The following C1orf167 variants were observed in gnomAD, a reference collection of about 807,000 sequenced individuals.
C1orf167 encodes chromosome 1 open reading frame 167.
A neutral mutation model predicts 176.5 loss-of-function variants in C1orf167; 153 were observed. That is an observed-to-expected ratio of 0.87 (90% CI 0.76 to 0.99). The LOEUF (loss-of-function observed/expected upper bound fraction) is 0.99, where lower values mean the gene tolerates loss of function less well. Ranked by LOEUF, C1orf167 falls within the 50% of genes least tolerant of loss-of-function variation. C1orf167 has a pLI of 0.00. For synonymous variants in C1orf167, 594 were observed against 752.7 expected, an observed-to-expected ratio of 0.79 and a Z score of 3.45; for missense variants, 1,490 against 1,817.7, an observed-to-expected ratio of 0.82 and a Z score of 3.28.
Position 11,768,330 on chromosome 1 carries a change from G to A in C1orf167, c.1542+55G>A, listed in dbSNP as rs1642902299. On this transcript the variant is annotated intron_variant, in intron 5 of 20. Coordinates refer to ENST00000688073, the MANE Select transcript of C1orf167 (RefSeq NM_001010881.2). This position sits in a 1 kb window ranked among gnomAD's most constrained non-coding sequence, Gnocchi z 4.5. ...CCGTGTGAAGCAGTGGTGTGTCTGG[G>A]GAGGAGACTCAGTCTACGGAGAGGA... 1 of 1,269,356 alleles carries A rather than the reference G, an allele frequency of 7.9e-7. No homozygotes were observed. Among genetic ancestry groups the A allele is most frequent in the Non-Finnish European group, 1.0e-6 (1 of 972,658 alleles). The allele number at this position is 1,269,356 out of a possible 1,614,324, so 78.6% of individuals were successfully genotyped here.
chr1:11,771,049 G>GTGTGTGTGTGTGTA (rs1491322371), intron 6 of C1orf167, among the ~76,000 whole-genome samples: 5 of 34,888 alleles, frequency 1.4e-4, no homozygotes, highest in African/African-American at 2.0e-4. Flanking sequence ...GTGTGTGTGT[G>GTGTGTGTGTGTGTA]TATATATATA....
chr1:11,763,464 T>G (rs944156844), intron 1 of C1orf167, among the ~76,000 whole-genome samples: 4 of 151,888 alleles, frequency 2.6e-5, no homozygotes, highest in Non-Finnish European at 4.4e-5. Flanking sequence ...AAAAAAGGTT[T>G]TGCAGCCTAA....
intron 13 of C1orf167, among the ~76,000 whole-genome samples, chr1:11,781,593 CTA>C (rs1643606757): frequency 6.6e-6 from 1 of 152,168 alleles, no homozygotes; most frequent in Non-Finnish European, 1.5e-5. Context: ...TCCAGAACTT[CTA>C]GTTTTTACAG....
rs1454105228 is a variant in C1orf167, at chr1:11,788,026, A to AG, written c.3829dup (p.Ala1277GlyfsTer3). On this transcript the variant is annotated frameshift_variant, in exon 18 of 21. Transcript: ENST00000688073. LOFTEE classifies it high-confidence loss of function. ...CCCAGAGCCTGCAAAGCCCAAAGCA[A>AG]GGCCCATAAACGGAGGCTACGGTAA... The AG allele has an allele frequency of 3.1e-6, 4 of 1,300,576 alleles. No individual in the cohort carries two copies. In the African/African-American group the frequency reaches 4.6e-5, roughly 15 times the overall value. The allele number at this position is 1,300,576 out of a possible 1,614,324, so 80.6% of individuals were successfully genotyped here. A position where few individuals can be genotyped will look rare whatever the true frequency, so the allele number is the denominator to read the frequency against.
chr1:11,764,193 A>T (rs1642674730), intron 1 of C1orf167, 138 bp from the exon 2 acceptor site: 1 of 360,622 alleles, frequency 2.8e-6, no homozygotes, highest in Non-Finnish European at 5.5e-6. Context: ...CCACTGAGAG[A>T]CCAGAACAGT....
Position 11,785,157 on chromosome 1 carries a change from G to A in C1orf167, c.3435G>A (p.Glu1145=). 2 of 1,291,126 alleles carry A rather than the reference G, an allele frequency of 1.5e-6. No homozygotes were observed. Among genetic ancestry groups the A allele is most frequent in the South Asian group, 2.5e-5 (2 of 80,966 alleles). The allele number at this position is 1,291,126 out of a possible 1,614,324, so 80.0% of individuals were successfully genotyped here. ...ASWKPRAWVL[E]ASVQSAVRGG... is the part of the protein sequence containing the mutation. The stretch of plus-strand genomic sequence containing the variant: ...CCTTCCTCTCCCGCAGGGTCCTAGA[G>A]GCCTCGGTGCAGTCGGCGGTGCGCG... The change falls in exon 16 of 21, where the codon GAG becomes GAA. Residue 1145 remains glutamate (E), a synonymous_variant. Coordinates refer to ENST00000688073, the MANE Select transcript of C1orf167 (RefSeq NM_001010881.2).
chr1:11,776,318 T>A (rs1032821795), intron 9 of C1orf167, 146 bp from the exon 10 acceptor site: 3 of 642,016 alleles, frequency 4.7e-6, no homozygotes, highest in Non-Finnish European at 6.6e-6. Flanking sequence ...ATCTTTGAGG[T>A]GACCTGGAGG....
chr1:11,767,998 CAG>C (rs2100260001), intron 4 of C1orf167, 77 bp from the exon 5 acceptor site: 1 of 1,118,878 alleles, frequency 8.9e-7, no homozygotes, highest in African/African-American at 1.6e-5. Flanking sequence ...AAAGGCATCT[CAG>C]AGGGTATCCA....
chr1:11,767,363 T>C, intron 4 of C1orf167, 99 bp downstream of exon 4: 1 of 1,059,864 alleles, frequency 9.4e-7, no homozygotes, highest in South Asian at 1.3e-5. Context: ...GAGGGCCTGA[T>C]GGAGAGGAGG....
Position 11,765,839 on chromosome 1 carries a change from T to G in C1orf167, c.71-18T>G, listed in dbSNP as rs1642764217. 1.1e-5 allele frequency: 13 copies of G among 1,185,818 alleles called. No individual in the cohort carries two copies. The highest frequency in any genetic ancestry group is 1.4e-5 in the Non-Finnish European group (13 of 938,192). The allele number at this position is 1,185,818 out of a possible 1,614,324, so 73.5% of individuals were successfully genotyped here. On this transcript the variant is annotated intron_variant, in intron 2 of 20. Transcript: ENST00000688073. ...GAGTGCCAGCCACCCAAGTCATGAC[T>G]GTCTCTCCTCTCTTTAGAGCAACGA...
In C1orf167 at chr1:11,787,373, T is replaced by C. The variant is rs757399730; in HGVS notation, c.3568-15T>C. 4.7e-6 allele frequency: 6 copies of C among 1,275,580 alleles called. No individual in the cohort carries two copies. The highest frequency in any genetic ancestry group is 6.2e-6 in the Non-Finnish European group (6 of 974,022). 79.0% of individuals were successfully genotyped at this position (1,275,580 alleles called of 1,614,324 possible). The stretch of plus-strand genomic sequence containing the variant: ...CCCATGGGGTTCAGGTGCTCCTCTC[T>C]GGCTATTCCTTCAGACCCGCAGCTG... On this transcript the variant is annotated splice_polypyrimidine_tract_variant and intron_variant, in intron 16 of 20. Transcript: ENST00000688073.
In C1orf167 at chr1:11,787,948, G is replaced by T. The variant is rs750623408; in HGVS notation, c.3749G>T (p.Gly1250Val). Reference protein sequence around the residue: ...QWPGQSSWVPGLPLWTRDQGP... With the variant: ...QWPGQSSWVPVLPLWTRDQGP... ...CCTGGACAGAGTAGCTGGGTCCCAG[G>T]CCTGCCCCTGTGGACGAGGGACCAG... The change falls in exon 18 of 21, where the codon GGC (glycine) becomes GTC (valine). Residue 1250 changes from glycine (G) to valine (V), a missense_variant. Gly to Val is a moderately radical substitution (Grantham distance 109). Transcript: ENST00000688073. The T allele has an allele frequency of 3.1e-6, 4 of 1,304,032 alleles. No homozygotes were observed. The highest frequency in any genetic ancestry group is 2.5e-5 in the South Asian group (2 of 80,974). The allele number at this position is 1,304,032 out of a possible 1,614,324, so 80.8% of individuals were successfully genotyped here.
At position 11,766,958 on chromosome 1, in the gene C1orf167, A is replaced by G; in HGVS notation, c.1172A>G (p.Asn391Ser). Residue 391 changes from asparagine to serine, a missense_variant, in exon 3 of 21, where the codon AAC (asparagine) becomes AGC (serine). Physicochemically the swap from Asn to Ser is conservative, Grantham distance 46. Transcript: ENST00000688073. This position sits in a 1 kb window ranked among gnomAD's most constrained non-coding sequence, Gnocchi z 4.5. Reference protein sequence around the residue: ...GTDPCSSAFSNTAWGVSPKQK... With the variant: ...GTDPCSSAFSSTAWGVSPKQK... Reference sequence around the variant, plus strand: ...GACCCCTGTTCCTCAGCCTTCTCCAACACAGCCTGGGGAGTCTCACCCAAG... The same window carrying G: ...GACCCCTGTTCCTCAGCCTTCTCCAGCACAGCCTGGGGAGTCTCACCCAAG... 1 of 1,207,700 alleles carries G rather than the reference A, an allele frequency of 8.3e-7. No homozygotes were observed. Among genetic ancestry groups the G allele is most frequent in the South Asian group, 1.5e-5 (1 of 67,118 alleles). 74.8% of individuals were successfully genotyped at this position (1,207,700 alleles called of 1,614,324 possible). A position where few individuals can be genotyped will look rare whatever the true frequency, so the allele number is the denominator to read the frequency against.
chr1:11,781,043 C>T (rs1314050327), intron 13 of C1orf167, among the ~76,000 whole-genome samples: 1 of 121,718 alleles, frequency 8.2e-6, no homozygotes, highest in Non-Finnish European at 1.6e-5. Flanking sequence ...GCTGTGTTGC[C>T]CAGGCATGCA....
chr1:11,764,463 G>A lies in C1orf167; in HGVS notation c.63G>A (p.Pro21=), dbSNP rs539599913. 1.3e-4 allele frequency: 171 copies of A among 1,289,396 alleles called. No homozygotes were observed. In the Middle Eastern group the frequency reaches 6.8e-3, roughly 51 times the overall value. 79.9% of individuals were successfully genotyped at this position (1,289,396 alleles called of 1,614,324 possible). The change falls in exon 2 of 21, where the codon CCG becomes CCA. Residue 21 remains proline (P), a synonymous_variant. Transcript: ENST00000688073. Reference sequence around the variant, plus strand: ...TGTCCCCAAAGCCTGCAGCGCTCCCGAAGCCAGGCAAGAGGCTTAGTGGGC... The same window carrying A: ...TGTCCCCAAAGCCTGCAGCGCTCCCAAAGCCAGGCAAGAGGCTTAGTGGGC... ...ENVSPKPAAL[P]KPEQRRFRRS...
chr1:11,772,264 G>T lies in C1orf167; in HGVS notation c.1988+5G>T. On this transcript the variant is annotated splice_donor_5th_base_variant and intron_variant, in intron 8 of 20. Transcript: ENST00000688073. ...CCAGAGAGCTTGGCTGTGCAGGTAG[G>T]ATGCCCTTCCCTTTTTTTTGAGATG... 7.7e-6 allele frequency: 10 copies of T among 1,298,870 alleles called. No homozygotes were observed. Among genetic ancestry groups the T allele is most frequent in the Non-Finnish European group, 1.0e-5 (10 of 986,668 alleles). 80.5% of individuals were successfully genotyped at this position (1,298,870 alleles called of 1,614,324 possible).
At position 11,779,814 on chromosome 1, in the gene C1orf167, C is replaced by T; in HGVS notation, c.2664C>T (p.Ser888=). 3.1e-6 allele frequency: 4 copies of T among 1,301,888 alleles called. No individual in the cohort carries two copies. Among genetic ancestry groups the T allele is most frequent in the Non-Finnish European group, 3.0e-6 (3 of 988,030 alleles). The allele number at this position is 1,301,888 out of a possible 1,614,324, so 80.6% of individuals were successfully genotyped here. A position where few individuals can be genotyped will look rare whatever the true frequency, so the allele number is the denominator to read the frequency against. The change falls in exon 13 of 21, where the codon AGC becomes AGT. Residue 888 remains serine, a synonymous_variant. Coordinates refer to ENST00000688073, the MANE Select transcript of C1orf167 (RefSeq NM_001010881.2). The stretch of plus-strand genomic sequence containing the variant: ...CTCCCTTTCCCAGCATCTTCCTCAG[C>T]TGGAGCCGCTGGGCAACAGCCCAAT... The part of the protein sequence containing the change: ...QHTRQRRIFL[S]WSRWATAQWA...
In C1orf167 at chr1:11,788,213, C is replaced by T; in HGVS notation, c.3913C>T (p.Leu1305=). The T allele has an allele frequency of 7.7e-7, 1 of 1,303,318 alleles. No homozygotes were observed. Among genetic ancestry groups the T allele is most frequent in the South Asian group, 1.2e-5 (1 of 81,020 alleles). 80.7% of individuals were successfully genotyped at this position (1,303,318 alleles called of 1,614,324 possible). A position where few individuals can be genotyped will look rare whatever the true frequency, so the allele number is the denominator to read the frequency against. Residue 1305 remains leucine (L), a synonymous_variant, in exon 19 of 21, where the codon CTG becomes TTG. Coordinates refer to ENST00000688073, the MANE Select transcript of C1orf167 (RefSeq NM_001010881.2). ...QAHGSALLLA[L]KGHDALGHQE... The stretch of plus-strand genomic sequence containing the variant: ...CCATGGCTCTGCCCTCCTTCTGGCC[C>T]TGAAGGGTCACGATGCTCTTGGCCA...
Position 11,766,184 on chromosome 1 carries a change from C to A in C1orf167, c.398C>A (p.Pro133His), listed in dbSNP as rs1471780569. ...CTGAGCATCAACGAGACCAGCAGCC[C>A]CCACCTCTGCCCAGAGCCTGGGGGA... Reference protein sequence around the residue: ...SNLSINETSSPHLCPEPGGSS... With the variant: ...SNLSINETSSHHLCPEPGGSS... The change falls in exon 3 of 21, where the codon CCC (proline) becomes CAC (histidine). Residue 133 changes from proline (P) to histidine (H), a missense_variant. By Grantham distance (77) the Pro-to-His change is moderately conservative. Coordinates refer to ENST00000688073, the MANE Select transcript of C1orf167 (RefSeq NM_001010881.2). This position sits in a 1 kb window ranked among gnomAD's most constrained non-coding sequence, Gnocchi z 4.5. The A allele has an allele frequency of 1.6e-6, 2 of 1,289,820 alleles. No individual in the cohort carries two copies. Among genetic ancestry groups the A allele is most frequent in the Non-Finnish European group, 2.0e-6 (2 of 988,846 alleles). 79.9% of individuals were successfully genotyped at this position (1,289,820 alleles called of 1,614,324 possible).
Sources: allele counts gnomAD v4.1 joint callset (sites outside exome capture counted in the v4.1 genomes callset), GRCh38; gene constraint gnomAD v4.1.1; non-coding constraint Gnocchi (gnomAD v3.1); transcripts MANE v1.5; gene names NCBI Gene and HGNC (gene_info 2026-07-23, HGNC 2026-07-21).